Variants in SAMMSON observed in about 807,000 individuals in gnomAD.
The protein encoded by SAMMSON is long intergenic non-protein coding RNA 1212.
At chr3:70,286,719 T>A (rs1702168152) in intron 6 of SAMMSON, among the ~76,000 whole-genome samples, 1 of 152,180 alleles carries the variant, frequency 6.6e-6, no homozygotes, top group African/African-American at 2.4e-5. Flanking sequence ...TTTCTTTTTA[T>A]CCTCTTTTAT....
At chr3:70,217,970 A>G (rs1174145546) in intron 4 of SAMMSON, among the ~76,000 whole-genome samples, 1 of 152,160 alleles carries the variant, frequency 6.6e-6, no homozygotes, top group Non-Finnish European at 1.5e-5. Context: ...GCCAGAAATC[A>G]AGCCACATTT....
At chr3:70,408,533 G>T (rs1247242111) in intron 2 of SAMMSON, among the ~76,000 whole-genome samples, 1 of 152,138 alleles carries the variant, frequency 6.6e-6, no homozygotes, top group Non-Finnish European at 1.5e-5. Context: ...GCAAAATGCT[G>T]CCAGTCTCTG....
chr3:70,004,178 A>G (rs985165480), intron 1 of SAMMSON, among the ~76,000 whole-genome samples: 4 of 152,260 alleles, frequency 2.6e-5, no homozygotes, highest in African/African-American at 9.6e-5. Flanking sequence ...AGAGCTGCCT[A>G]TGGCTAGTAA....
intron 4 of SAMMSON, among the ~76,000 whole-genome samples, chr3:70,108,724 A>G (rs954184473): frequency 1.8e-4 from 28 of 151,914 alleles, no homozygotes; most frequent in Non-Finnish European, 1.0e-4. Context: ...GCATGCACAC[A>G]AAGAAGTCCT....
chr3:70,375,402 GT>G (rs79379255), intron 9 of SAMMSON, among the ~76,000 whole-genome samples: 70,705 of 133,380 alleles, frequency 0.53, 17,600 homozygotes, highest in East Asian at 0.57. Flanking sequence ...GTTTTTTGTT[GT>G]TTTTTTTTTT....
chr3:70,396,474 C>T (rs1191736701), intron 2 of SAMMSON, among the ~76,000 whole-genome samples: 1 of 152,126 alleles, frequency 6.6e-6, no homozygotes, highest in African/African-American at 2.4e-5. Context: ...ACCCATTCAG[C>T]AAATATTTGA....
intron 4 of SAMMSON, chr3:70,072,340 C>A (rs1029867665): frequency 6.6e-6 from 1 of 151,854 alleles, no homozygotes; most frequent in Non-Finnish European, 1.5e-5. Flanking sequence ...CTTGGCTTCT[C>A]GCTCAGAATA....
At chr3:70,153,140 G>T (rs937859517) in intron 4 of SAMMSON, among the ~76,000 whole-genome samples, 1 of 151,834 alleles carries the variant, frequency 6.6e-6, no homozygotes, top group South Asian at 2.1e-4. Flanking sequence ...CCAAGGTGAG[G>T]GGCGTTATTC....
intron 4 of SAMMSON, among the ~76,000 whole-genome samples, chr3:70,243,278 G>C (rs1701678251): frequency 1.3e-5 from 2 of 152,068 alleles, no homozygotes; most frequent in Admixed American, 1.3e-4. Context: ...TGTCTTGGAG[G>C]CCTTTGAAAT....
At chr3:70,177,146 A>G (rs1357681824) in intron 4 of SAMMSON, among the ~76,000 whole-genome samples, 1 of 152,224 alleles carries the variant, frequency 6.6e-6, no homozygotes, top group East Asian at 1.9e-4. Flanking sequence ...TCTCAGTGAA[A>G]GAAAATATGG....
chr3:70,308,569 GA>G (rs1456246022), intron 7 of SAMMSON, among the ~76,000 whole-genome samples: 1 of 152,148 alleles, frequency 6.6e-6, no homozygotes, highest in Non-Finnish European at 1.5e-5. Flanking sequence ...CCCATTTGGG[GA>G]AAGTCAAGGG....
intron 4 of SAMMSON, among the ~76,000 whole-genome samples, chr3:70,123,655 G>A (rs924166169): frequency 6.6e-6 from 1 of 152,226 alleles, no homozygotes; most frequent in African/African-American, 2.4e-5. Context: ...GGAAACCAGT[G>A]TTCTGGGAAT....
intron 1 of SAMMSON, among the ~76,000 whole-genome samples, chr3:70,008,741 T>G (rs1559770780): frequency 6.6e-6 from 1 of 152,138 alleles, no homozygotes; most frequent in Non-Finnish European, 1.5e-5. Context: ...ATGCTTCCAG[T>G]TTTTGCCCAT....
intron 9 of SAMMSON, among the ~76,000 whole-genome samples, chr3:70,380,407 T>A (rs1037314737): frequency 6.6e-6 from 1 of 152,146 alleles, no homozygotes; most frequent in South Asian, 2.1e-4. Context: ...AAATGACTCA[T>A]TTTTTAAAAA....
At chr3:70,258,119 A>G (rs943215318) in intron 6 of SAMMSON, among the ~76,000 whole-genome samples, 9 of 152,318 alleles carry the variant, frequency 5.9e-5, no homozygotes, top group African/African-American at 2.2e-4. Flanking sequence ...ATTTCACATC[A>G]TAGACAAAAA....
chr3:70,038,630 A>G, intron 3 of SAMMSON, among the ~76,000 whole-genome samples: 1 of 152,208 alleles, frequency 6.6e-6, no homozygotes, highest in East Asian at 1.9e-4. Flanking sequence ...GGTTGAGGTA[A>G]CTGTTATTCA....
At chr3:70,220,178 G>A (rs1431383539) in intron 4 of SAMMSON, among the ~76,000 whole-genome samples, 2 of 151,940 alleles carry the variant, frequency 1.3e-5, no homozygotes, top group African/African-American at 2.4e-5. Context: ...AGAGAATAAG[G>A]TTATATTCCA....
chr3:70,341,054 C>T (rs1702707263), intron 7 of SAMMSON, among the ~76,000 whole-genome samples: 1 of 152,070 alleles, frequency 6.6e-6, no homozygotes, highest in Non-Finnish European at 1.5e-5. Flanking sequence ...GTATATCAGG[C>T]TAAGTGCCAT....
chr3:70,355,834 G>A (rs1465938554), intron 8 of SAMMSON, among the ~76,000 whole-genome samples: 2 of 152,098 alleles, frequency 1.3e-5, no homozygotes, highest in African/African-American at 2.4e-5. Flanking sequence ...AATTCCAAAC[G>A]AAGGAACTAT....
Sources: gnomAD v4.1 joint callset for allele counts (sites outside exome capture counted in the v4.1 genomes callset) on GRCh38, gnomAD v4.1.1 for gene constraint, MANE v1.5 for transcripts, NCBI Gene and HGNC (gene_info 2026-07-23, HGNC 2026-07-21) for gene names.